Variants in GTPBP1 observed in about 807,000 individuals in gnomAD.
GTPBP1 encodes the protein GTP binding protein 1.
In GTPBP1, 23 loss-of-function variants were observed where a neutral mutation model predicts 62.0. That is an observed-to-expected ratio of 0.37 (90% CI 0.27 to 0.53). The LOEUF is 0.53. GTPBP1 is among the 20% of genes least tolerant of loss of function. GTPBP1 has a pLI of 0.89. For synonymous variants in GTPBP1, 344 were observed against 364.4 expected, an observed-to-expected ratio of 0.94 and a Z score of 0.64; for missense variants, 640 against 917.3, an observed-to-expected ratio of 0.70 and a Z score of 3.90.
intron 6 of GTPBP1, chr22:38,725,745 G>A (rs2092723436): frequency 4.3e-6 from 2 of 470,392 alleles, no homozygotes; most frequent in Admixed American, 3.5e-5. Flanking sequence ...AACTAGGGCA[G>A]TGGTGGAGGA....
At chr22:38,723,447 TG>T in intron 5 of GTPBP1, 1 of 1,080,280 alleles carries the variant, frequency 9.3e-7, no homozygotes, top group South Asian at 1.3e-5. Flanking sequence ...CCCCAAGGAA[TG>T]GCACTCACAT....
At chr22:38,707,745 A>G (rs907182634) in intron 1 of GTPBP1, among the ~76,000 whole-genome samples, 19 of 152,244 alleles carry the variant, frequency 1.2e-4, no homozygotes, top group Admixed American at 2.6e-4. Flanking sequence ...GTGTTATTTC[A>G]TCACATAGCT....
At chr22:38,723,139 A>G (rs2092709646) in intron 5 of GTPBP1, 1 of 799,486 alleles carries the variant, frequency 1.3e-6, no homozygotes, top group African/African-American at 1.7e-5. Flanking sequence ...TCACATCATG[A>G]AATTCCTTAG....
chr22:38,714,497 A>AG (rs2092658068), intron 2 of GTPBP1, among the ~76,000 whole-genome samples: 1 of 151,324 alleles, frequency 6.6e-6, no homozygotes. Flanking sequence ...AAAAAAAAAA[A>AG]AAGGCCACTG....
intron 5 of GTPBP1, 32 bp downstream of exon 5, chr22:38,721,897 T>G: frequency 1.3e-6 from 2 of 1,541,158 alleles, no homozygotes; most frequent in Non-Finnish European, 1.8e-6. Context: ...CAGCAGCCCC[T>G]CTGATTGGGG....
chr22:38,728,248 G>C (rs1726245004), intron 10 of GTPBP1, 87 bp downstream of exon 10: 4 of 932,368 alleles, frequency 4.3e-6, no homozygotes, highest in Non-Finnish European at 6.7e-6. Flanking sequence ...CAGAGGTTTA[G>C]TCACTGCCAT....
At chr22:38,733,845 A>G (rs2092778260), downstream of GTPBP1, among the ~76,000 whole-genome samples, 1 of 152,198 alleles carries the variant, frequency 6.6e-6, no homozygotes, top group Non-Finnish European at 1.5e-5. Flanking sequence ...GCCCAGTAGG[A>G]TTTGAATGTA....
intron 2 of GTPBP1, among the ~76,000 whole-genome samples, chr22:38,710,632 T>A (rs1175950010): frequency 6.6e-6 from 1 of 151,978 alleles, no homozygotes. Flanking sequence ...AAAAAAAACA[T>A]TCCATTTGTT....
chr22:38,739,887 G>T, downstream of GTPBP1: 4 of 1,613,102 alleles, frequency 2.5e-6, no homozygotes, highest in Non-Finnish European at 3.4e-6. The surrounding 1 kb of genome is among the most constrained non-coding windows in gnomAD (Gnocchi z 6.7). Context: ...GCCCCACGCG[G>T]CCCCCTCCAC....
chr22:38,706,211 GCGACGGCGGGGCCAGCGGCCGCCCTGTC>G, intron 1 of GTPBP1, 64 bp downstream of exon 1: 1 of 1,071,046 alleles, frequency 9.3e-7, no homozygotes, highest in Non-Finnish European at 1.2e-6. Flanking sequence ...AGTCTCCCGG[GCGACGGCGGGGCCAGCGGCCGCCCTGTC>G]CGCGGGGAGC....
chr22:38,742,089 G>A (rs554133906), downstream of GTPBP1, among the ~76,000 whole-genome samples: 4 of 152,014 alleles, frequency 2.6e-5, no homozygotes, highest in African/African-American at 9.6e-5. Context: ...GTTGTAGTGA[G>A]TCGAGATCAC....
chr22:38,736,229 A>G (rs1310196621), downstream of GTPBP1: 2 of 1,584,786 alleles, frequency 1.3e-6, no homozygotes, highest in Non-Finnish European at 8.6e-7. Context: ...CTGTTCACCC[A>G]CTCCCAGATG....
At chr22:38,735,569 G>A (rs1031630627), downstream of GTPBP1, 17 of 225,116 alleles carry the variant, frequency 7.6e-5, no homozygotes, top group Non-Finnish European at 1.4e-4. Context: ...ACCGTCCCCA[G>A]CAGAGGGGAA....
chr22:38,728,082 A>G lies in GTPBP1; in HGVS notation c.1637A>G (p.Lys546Arg), dbSNP rs971541242. 3.1e-6 allele frequency: 5 copies of G among 1,613,278 alleles called. No homozygotes were observed. The African/African-American group carries it at 4.0e-5, about 13-fold the overall frequency. The stretch of plus-strand genomic sequence containing the variant: ...GCCACTGTACACTTCCGCTTCATCA[A>G]GACCCCTGAGTACCTGCACATAGAC... Reference protein sequence around the residue: ...DKATVHFRFIKTPEYLHIDQR... With the variant: ...DKATVHFRFIRTPEYLHIDQR... Residue 546 changes from lysine (K) to arginine (R), a missense_variant, in exon 10 of 12, where the codon AAG becomes AGG. Transcript: ENST00000216044.
chr22:38,741,193 G>A, downstream of GTPBP1: 1 of 919,334 alleles, frequency 1.1e-6, no homozygotes, highest in Non-Finnish European at 1.7e-6. Context: ...AATCAAACTG[G>A]CCTCCTTGTC....
At chr22:38,741,592 G>A (rs544718293), downstream of GTPBP1, 23 of 1,609,548 alleles carry the variant, frequency 1.4e-5, no homozygotes, top group African/African-American at 2.0e-4. Flanking sequence ...GGAGTGAGAG[G>A]ACAGGTTGGA....
intron 5 of GTPBP1, among the ~76,000 whole-genome samples, chr22:38,722,086 A>G (rs974733498): frequency 5.9e-5 from 9 of 152,246 alleles, no homozygotes; most frequent in Admixed American, 2.6e-4. Flanking sequence ...CCTGGATCCA[A>G]TAACTATCCT....
downstream of GTPBP1, chr22:38,740,348 C>T (rs567254059): frequency 3.8e-5 from 61 of 1,587,376 alleles, no homozygotes; most frequent in Admixed American, 3.4e-4. The surrounding 1 kb of genome is among the most constrained non-coding windows in gnomAD (Gnocchi z 4.8). Context: ...CCAGAGCCGC[C>T]AGCTCCTGCT....
At chr22:38,722,366 A>G (rs2092704864) in intron 5 of GTPBP1, among the ~76,000 whole-genome samples, 1 of 152,248 alleles carries the variant, frequency 6.6e-6, no homozygotes, top group Admixed American at 6.5e-5. Context: ...TAATACAAAG[A>G]CATTCAAGAT....
Sources: allele counts gnomAD v4.1 joint callset (sites outside exome capture counted in the v4.1 genomes callset), GRCh38; gene constraint gnomAD v4.1.1; non-coding constraint Gnocchi (gnomAD v3.1); transcripts MANE v1.5; gene names NCBI Gene and HGNC (gene_info 2026-07-23, HGNC 2026-07-21).